Variants in FANCL observed in about 807,000 individuals in gnomAD.
FANCL encodes FA complementation group L, also known as E3 ubiquitin-protein ligase FANCL.
FANCL carries 69 observed loss-of-function variants against 59.4 expected under a neutral mutation model. The observed-to-expected ratio is 1.16, with a 90% CI of 0.96 to 1.42. The LOEUF is 1.42. Among genes scored for constraint, FANCL ranks in the 40% most tolerant of loss-of-function variants. The probability of loss-of-function intolerance (pLI) is 0.00; values close to 1 mark genes in which losing one functional copy is unlikely to be tolerated. For missense variants in FANCL, 519 were observed against 447.2 expected (o/e 1.16, Z -1.45); for synonymous variants, 180 against 147.1 (o/e 1.22, Z -1.62).
intron 2 of FANCL, 112 bp from the exon 3 acceptor site, chr2:58,229,986 A>G: frequency 1.3e-6 from 1 of 780,648 alleles, no homozygotes; most frequent in South Asian, 1.5e-5. Context: ...CATAATTTGG[A>G]CAAGTTAATA....
chr2:58,196,026 C>G (rs1047810971), intron 7 of FANCL, among the ~76,000 whole-genome samples: 30 of 151,966 alleles, frequency 2.0e-4, no homozygotes, highest in African/African-American at 7.2e-4. Context: ...ACAGATAAAT[C>G]AAGTTGCTGA....
intron 5 of FANCL, among the ~76,000 whole-genome samples, chr2:58,221,567 T>C (rs1357072332): frequency 3.9e-5 from 6 of 152,214 alleles, no homozygotes; most frequent in African/African-American, 1.2e-4. Flanking sequence ...CCAAATTGTA[T>C]ATTAACCAAA....
chr2:58,219,175 T>TATAC (rs1558810318), intron 5 of FANCL, among the ~76,000 whole-genome samples: 1 of 51,540 alleles, frequency 1.9e-5, no homozygotes, highest in Non-Finnish European at 3.1e-5. Context: ...AAAAAAAATA[T>TATAC]ATATATATAT....
chr2:58,241,275 G>T lies in FANCL; in HGVS notation c.39C>A (p.Pro13=), dbSNP rs201708705. 3.7e-6 allele frequency: 6 copies of T among 1,614,240 alleles called. No homozygotes were observed. Among genetic ancestry groups the T allele is most frequent in the Middle Eastern group, 1.7e-4 (1 of 6,060 alleles). The change falls in exon 1 of 14, where the codon CCC becomes CCA. Residue 13 remains proline, a synonymous_variant. Coordinates refer to ENST00000233741, the MANE Select transcript of FANCL (RefSeq NM_018062.4). ...VTEASLLRQC[P]LLLPQNRSKT... ...TCGACCGGTTCTGGGGCAGAAGCAG[G>T]GGGCACTGGCGCAACAGGCTCGCTT...
intron 7 of FANCL, among the ~76,000 whole-genome samples, chr2:58,168,343 A>G (rs1686174859): frequency 6.6e-6 from 1 of 152,152 alleles, no homozygotes; most frequent in African/African-American, 2.4e-5. Flanking sequence ...AGGAAGCGCA[A>G]GGGGTTGGGG....
chr2:58,215,590 G>A (rs1054687385), intron 5 of FANCL, among the ~76,000 whole-genome samples: 5 of 151,820 alleles, frequency 3.3e-5, no homozygotes, highest in Admixed American at 2.6e-4. Flanking sequence ...GAACAGAAGT[G>A]AAGTAAGCCA....
intron 6 of FANCL, 122 bp downstream of exon 6, chr2:58,204,007 TG>T: frequency 1.3e-6 from 1 of 795,410 alleles, no homozygotes; most frequent in Non-Finnish European, 2.2e-6. Flanking sequence ...CCAAAATCAA[TG>T]TTTTAAAGCA....
chr2:58,161,758 G>A, intron 11 of FANCL, 120 bp from the exon 12 acceptor site: 2 of 684,996 alleles, frequency 2.9e-6, no homozygotes, highest in South Asian at 3.2e-5. Context: ...GATGACATCA[G>A]GATAATTAAG....
In FANCL at chr2:58,226,752, A is replaced by T; in HGVS notation, c.249T>A (p.Phe83Leu). ...CCAAAAGCATCTTCAACTCCATCATAAAGCTCATTAGATCAGGAGAGTGCT... is the reference window on the plus strand; with the variant it reads ...CCAAAAGCATCTTCAACTCCATCATTAAGCTCATTAGATCAGGAGAGTGCT... ...RMQHSPDLMS[F>L]MMELKMLLEV... The change falls in exon 4 of 14, where the codon TTT (phenylalanine) becomes TTA (leucine). Residue 83 changes from phenylalanine to leucine, a missense_variant. Phe to Leu is a conservative substitution (Grantham distance 22, BLOSUM62 0). Transcript: ENST00000233741. 1 of 1,613,608 alleles carries T rather than the reference A, an allele frequency of 6.2e-7. No individual in the cohort carries two copies. Among genetic ancestry groups the T allele is most frequent in the Non-Finnish European group, 8.5e-7 (1 of 1,179,720 alleles).
intron 5 of FANCL, among the ~76,000 whole-genome samples, chr2:58,211,900 A>T (rs1691201751): frequency 1.3e-5 from 2 of 152,142 alleles, no homozygotes; most frequent in Admixed American, 1.3e-4. Flanking sequence ...TTTTGGGCAA[A>T]GCCAAGCAAC....
intron 7 of FANCL, chr2:58,194,179 T>G (rs1165951489): frequency 6.4e-6 from 3 of 470,674 alleles, no homozygotes; most frequent in African/African-American, 6.0e-5. Flanking sequence ...GGATTCCAAC[T>G]GCCCATGGCA....
intron 6 of FANCL, among the ~76,000 whole-genome samples, chr2:58,201,154 CTT>C (rs1191757027): frequency 2.7e-5 from 4 of 148,706 alleles, no homozygotes; most frequent in African/African-American, 7.4e-5. Flanking sequence ...AAGAAAGTAA[CTT>C]GATCAAAATT....
chr2:58,175,424 A>G (rs1687190278), intron 7 of FANCL, among the ~76,000 whole-genome samples: 1 of 150,912 alleles, frequency 6.6e-6, no homozygotes, highest in South Asian at 2.1e-4. Flanking sequence ...CACATCAAAA[A>G]CGTTATCCAC....
In FANCL at chr2:58,234,774, A is replaced by G. The variant is rs1015196915; in HGVS notation, c.97-2662T>C. Among the ~76,000 whole-genome samples, 5 of 152,194 alleles carry G rather than the reference A, an allele frequency of 3.3e-5. 1 individual carries two copies. The highest frequency in any genetic ancestry group is 3.3e-4 in the Admixed American group (5 of 15,272). On this transcript the variant is annotated intron_variant, in intron 1 of 13. Coordinates refer to ENST00000233741, the MANE Select transcript of FANCL (RefSeq NM_018062.4). ...TATAGAAAACAGAATATAATTGGAA[A>G]CAGACTTCTTAAAGCAAATTAAAAA...
chr2:58,179,104 C>T (rs1687661413), intron 7 of FANCL, among the ~76,000 whole-genome samples: 1 of 152,150 alleles, frequency 6.6e-6, no homozygotes, highest in Non-Finnish European at 1.5e-5. Context: ...AATGGAAAAA[C>T]ATTCCATATT....
chr2:58,225,657 C>G (rs12477242), intron 4 of FANCL, among the ~76,000 whole-genome samples: 39,770 of 151,814 alleles, frequency 0.26, 6,316 homozygotes, highest in South Asian at 0.41. Flanking sequence ...CTCATAAGAA[C>G]AAATGAATCC....
intron 11 of FANCL, 106 bp downstream of exon 11, chr2:58,162,759 AT>A: frequency 2.0e-6 from 2 of 978,888 alleles, no homozygotes; most frequent in Non-Finnish European, 3.2e-6. Context: ...CTGTGTTATA[AT>A]ATTTTTCTAA....
At chr2:58,178,532 C>G (rs1459867953) in intron 7 of FANCL, among the ~76,000 whole-genome samples, 1 of 151,980 alleles carries the variant, frequency 6.6e-6, no homozygotes, top group Admixed American at 6.6e-5. Flanking sequence ...AATTCAATAC[C>G]CCTTCATGCT....
At position 58,169,992 on chromosome 2, in the gene FANCL, C is replaced by G. The variant is rs1298836204; in HGVS notation, c.541-4118G>C. On this transcript the variant is annotated intron_variant, in intron 7 of 13. Transcript: ENST00000233741. The stretch of plus-strand genomic sequence containing the variant: ...TAAAAAACACTCTTCAGGATGTTAT[C>G]CAGGACAGCTTCTCCAACATTCCAA... Among the ~76,000 whole-genome samples, 3 of 151,980 alleles carry G rather than the reference C, an allele frequency of 2.0e-5. No homozygotes were observed. In the East Asian group the frequency reaches 5.8e-4, roughly 29 times the overall value.
Sources: allele counts gnomAD v4.1 joint callset (sites outside exome capture counted in the v4.1 genomes callset), GRCh38; gene constraint gnomAD v4.1.1; transcripts MANE v1.5; gene names NCBI Gene and HGNC (gene_info 2026-07-23, HGNC 2026-07-21).